LRFN5: variants seen among roughly 807,000 people sequenced by gnomAD.
LRFN5 encodes leucine rich repeat and fibronectin type III domain containing 5.
In LRFN5, 24 loss-of-function variants were observed where a neutral mutation model predicts 45.6. The ratio of observed to expected loss-of-function variants is 0.53; its 90% CI spans 0.38 to 0.74. LRFN5 has a LOEUF of 0.74. LRFN5 is among the 30% of genes least tolerant of loss of function. LRFN5 has a pLI of 0.00. For missense variants in LRFN5, 776 were observed against 861.5 expected (o/e 0.90, Z 1.24); for synonymous variants, 340 against 313.8 (o/e 1.08, Z -0.88).
chr14:41,688,450 A>G (rs1882217678), intron 1 of LRFN5, among the ~76,000 whole-genome samples: 2 of 151,934 alleles, frequency 1.3e-5, no homozygotes, highest in Admixed American at 1.3e-4. Flanking sequence ...CCACCACAAA[A>G]ATTAAAAATA....
intron 1 of LRFN5, among the ~76,000 whole-genome samples, chr14:41,690,456 G>T (rs1882329548): frequency 6.6e-6 from 1 of 152,144 alleles, no homozygotes; most frequent in South Asian, 2.1e-4. Flanking sequence ...AAGAGGCTGA[G>T]GCATGAAAAT....
At chr14:41,659,532 A>G (rs1880537397) in intron 1 of LRFN5, among the ~76,000 whole-genome samples, 1 of 152,134 alleles carries the variant, frequency 6.6e-6, no homozygotes, top group Admixed American at 6.5e-5. Flanking sequence ...GTGTCTTTAT[A>G]GTAGAATGAT....
intron 1 of LRFN5, among the ~76,000 whole-genome samples, chr14:41,739,677 G>C (rs1005528535): frequency 3.5e-4 from 53 of 149,646 alleles, no homozygotes; most frequent in African/African-American, 1.2e-3. Flanking sequence ...AACAAACTAA[G>C]CACAAACGTA....
intron 2 of LRFN5, among the ~76,000 whole-genome samples, chr14:41,833,742 T>C (rs1368159357): frequency 6.6e-6 from 1 of 152,224 alleles, no homozygotes; most frequent in Non-Finnish European, 1.5e-5. Flanking sequence ...TTCTTAACTT[T>C]GTCAAATTAT....
At chr14:41,834,338 T>C (rs1888588196) in intron 2 of LRFN5, among the ~76,000 whole-genome samples, 1 of 152,132 alleles carries the variant, frequency 6.6e-6, no homozygotes, top group Non-Finnish European at 1.5e-5. Flanking sequence ...ATTTACTCAC[T>C]TACTTACTTG....
chr14:41,770,522 G>T (rs909577936), intron 2 of LRFN5, among the ~76,000 whole-genome samples: 2 of 152,054 alleles, frequency 1.3e-5, no homozygotes, highest in Non-Finnish European at 2.9e-5. Flanking sequence ...GGAGAAATTG[G>T]CAAAAAGCAA....
At chr14:41,803,495 G>T (rs1887411919) in intron 2 of LRFN5, among the ~76,000 whole-genome samples, 1 of 151,594 alleles carries the variant, frequency 6.6e-6, no homozygotes, top group Non-Finnish European at 1.5e-5. Flanking sequence ...AGGACTACAA[G>T]TGCACCCCTT....
At chr14:41,878,359 T>G (rs1890259092) in intron 2 of LRFN5, among the ~76,000 whole-genome samples, 1 of 152,146 alleles carries the variant, frequency 6.6e-6, no homozygotes, top group South Asian at 2.1e-4. Flanking sequence ...AGCTTTCCTT[T>G]AACTCAACAT....
At chr14:41,856,377 T>TA (rs1837916271) in intron 2 of LRFN5, among the ~76,000 whole-genome samples, 1 of 152,186 alleles carries the variant, frequency 6.6e-6, no homozygotes, top group Admixed American at 6.5e-5. Flanking sequence ...GAAATGTAAA[T>TA]AGTGCATAGC....
intron 1 of LRFN5, among the ~76,000 whole-genome samples, chr14:41,636,678 T>A (rs1879322880): frequency 6.6e-6 from 1 of 151,976 alleles, no homozygotes; most frequent in African/African-American, 2.4e-5. Flanking sequence ...GGAGCAGGTT[T>A]ACTGTGCACT....
At chr14:41,651,266 G>T (rs1212307893) in intron 1 of LRFN5, among the ~76,000 whole-genome samples, 1 of 152,026 alleles carries the variant, frequency 6.6e-6, no homozygotes, top group Non-Finnish European at 1.5e-5. Context: ...TTAAAATTAT[G>T]CTACAAAAAT....
chr14:41,843,802 C>T lies in LRFN5; in HGVS notation c.-20-42804C>T, dbSNP rs149412705. Among the ~76,000 whole-genome samples, 537 of 152,126 alleles carry T rather than the reference C, an allele frequency of 3.5e-3. 3 individuals carry two copies. The highest frequency in any genetic ancestry group is 0.012 in the African/African-American group (516 of 41,518). On this transcript the variant is annotated intron_variant, in intron 2 of 5. Coordinates refer to ENST00000298119, the MANE Select transcript of LRFN5 (RefSeq NM_152447.5). ...CTTCATGAGCATGGATTTTACAAAC[C>T]TGAAAGAAATGGAATTAATCACAAA... is the stretch of plus-strand genomic sequence containing the variant.
intron 2 of LRFN5, among the ~76,000 whole-genome samples, chr14:41,794,107 C>T (rs1185318936): frequency 6.6e-6 from 1 of 151,960 alleles, no homozygotes; most frequent in African/African-American, 2.4e-5. Flanking sequence ...AAATATGACT[C>T]CCACAAATGA....
At chr14:41,812,795 T>C (rs993583183) in intron 2 of LRFN5, among the ~76,000 whole-genome samples, 2 of 152,116 alleles carry the variant, frequency 1.3e-5, no homozygotes, top group African/African-American at 4.8e-5. Context: ...CTGAGCAATA[T>C]TTTATTTAGT....
chr14:41,775,996 A>G (rs1291652857), intron 2 of LRFN5, among the ~76,000 whole-genome samples: 1 of 152,174 alleles, frequency 6.6e-6, no homozygotes, highest in Admixed American at 6.5e-5. Flanking sequence ...TTAGGTAGTT[A>G]TATGCAAACA....
At chr14:41,703,108 A>T (rs1882906068) in intron 1 of LRFN5, among the ~76,000 whole-genome samples, 1 of 152,186 alleles carries the variant, frequency 6.6e-6, no homozygotes, top group South Asian at 2.1e-4. Context: ...TAGCTATCAA[A>T]GTCTGATGAT....
chr14:41,841,370 T>A (rs1268364600), intron 2 of LRFN5, among the ~76,000 whole-genome samples: 3 of 151,914 alleles, frequency 2.0e-5, no homozygotes, highest in Admixed American at 6.6e-5. Context: ...GCTGTAGAGA[T>A]AAATTGCCTT....
At chr14:41,748,755 G>A (rs1885018240) in intron 1 of LRFN5, among the ~76,000 whole-genome samples, 3 of 151,954 alleles carry the variant, frequency 2.0e-5, no homozygotes, top group Admixed American at 2.0e-4. Flanking sequence ...ATGCGTATGG[G>A]CTTTTAATGG....
chr14:41,627,478 G>T (rs1888374318), intron 1 of LRFN5, among the ~76,000 whole-genome samples: 1 of 151,930 alleles, frequency 6.6e-6, no homozygotes, highest in Non-Finnish European at 1.5e-5. Flanking sequence ...TTTTCCTTTT[G>T]TCAAGTGGTT....
Sources: allele counts gnomAD v4.1 joint callset (sites outside exome capture counted in the v4.1 genomes callset), GRCh38; gene constraint gnomAD v4.1.1; transcripts MANE v1.5; gene names NCBI Gene and HGNC (gene_info 2026-07-23, HGNC 2026-07-21).